The following TENM4 variants were observed in gnomAD, a reference collection of about 807,000 sequenced individuals.
The protein encoded by TENM4 is teneurin transmembrane protein 4.
A neutral mutation model predicts 243.3 loss-of-function variants in TENM4; 82 were observed. The ratio of observed to expected loss-of-function variants is 0.34; its 90% CI spans 0.28 to 0.40. The LOEUF is 0.40. Ranked by LOEUF, TENM4 falls within the 10% of genes least tolerant of loss-of-function variation. The probability of loss-of-function intolerance (pLI) is 1.00; values close to 1 mark genes in which losing one functional copy is unlikely to be tolerated. For missense variants in TENM4, 3,138 were observed against 3,673.3 expected, an observed-to-expected ratio of 0.85 and a Z score of 3.77; for synonymous variants, 1,412 against 1,456.3, an observed-to-expected ratio of 0.97 and a Z score of 0.69.
chr11:79,289,572 C>T (rs140699759), intron 2 of TENM4, among the ~76,000 whole-genome samples: 9 of 152,368 alleles, frequency 5.9e-5, no homozygotes, highest in African/African-American at 1.9e-4. Flanking sequence ...AATCAGCTGA[C>T]ATTTTTGCTG....
intron 14 of TENM4, among the ~76,000 whole-genome samples, chr11:78,811,589 C>CACAT (rs1565389118): frequency 6.6e-6 from 1 of 152,088 alleles, no homozygotes; most frequent in Admixed American, 6.5e-5. Context: ...CACACACACA[C>CACAT]ACACACACAC....
At chr11:78,979,822 A>G (rs940337357) in intron 6 of TENM4, among the ~76,000 whole-genome samples, 1 of 152,198 alleles carries the variant, frequency 6.6e-6, no homozygotes, top group African/African-American at 2.4e-5. Context: ...CTCTAGATCC[A>G]TCATCAGTTA....
Position 79,304,171 on chromosome 11 carries a change from GA to G in TENM4, c.-320-6629del, listed in dbSNP as rs1417171674. 2.6e-5 allele frequency among the ~76,000 whole-genome samples: 4 copies of G among 152,294 alleles called. No individual in the cohort carries two copies. The South Asian group carries it at 6.2e-4, about 24-fold the overall frequency. ...GCTAAGTGGGTCACAACCTGCAAGG[GA>G]AAGGTCCCAGTAACTTGGCAAAGAA... On this transcript the variant is annotated intron_variant, in intron 1 of 33. Coordinates refer to ENST00000278550, the MANE Select transcript of TENM4 (RefSeq NM_001098816.3).
intron 6 of TENM4, among the ~76,000 whole-genome samples, chr11:79,024,225 C>T (rs575490235): frequency 2.0e-5 from 3 of 152,330 alleles, no homozygotes; most frequent in African/African-American, 7.2e-5. Flanking sequence ...CTGCCTGTAA[C>T]ACCTCTGTTG....
At chr11:79,119,357 A>G (rs538922900) in intron 4 of TENM4, among the ~76,000 whole-genome samples, 1 of 150,800 alleles carries the variant, frequency 6.6e-6, no homozygotes, top group South Asian at 2.1e-4. Flanking sequence ...TATTATTGTG[A>G]TAATCATTAT....
intron 18 of TENM4, among the ~76,000 whole-genome samples, chr11:78,762,792 G>A (rs1310430030): frequency 1.3e-5 from 2 of 149,772 alleles, no homozygotes; most frequent in East Asian, 2.0e-4. Context: ...GCCTGAAACA[G>A]TGCATATGGC....
At chr11:79,074,683 G>C (rs1384439930) in intron 4 of TENM4, among the ~76,000 whole-genome samples, 2 of 152,208 alleles carry the variant, frequency 1.3e-5, no homozygotes, top group African/African-American at 4.8e-5. Flanking sequence ...TCTACAAGTG[G>C]TGTTGGGTGG....
chr11:79,338,547 G>A (rs546480754), intron 1 of TENM4, among the ~76,000 whole-genome samples: 1 of 152,350 alleles, frequency 6.6e-6, no homozygotes, highest in Admixed American at 6.5e-5. Flanking sequence ...TGGGCAGCCA[G>A]AGCAGGTGGA....
At chr11:79,187,133 C>T (rs552728917) in intron 3 of TENM4, among the ~76,000 whole-genome samples, 2 of 152,266 alleles carry the variant, frequency 1.3e-5, no homozygotes, top group South Asian at 4.1e-4. Flanking sequence ...TATGATAATG[C>T]TTTTGGGTTA....
rs181235395 is a variant in TENM4, at chr11:79,387,808, C to G, written c.-321+52701G>C. Among the ~76,000 whole-genome samples the G allele has an allele frequency of 1.1e-3, 161 of 152,236 alleles. 1 individual carries two copies. Among genetic ancestry groups the G allele is most frequent in the African/African-American group, 3.7e-3 (155 of 41,536 alleles). On this transcript the variant is annotated intron_variant, in intron 1 of 33. Transcript: ENST00000278550. ...TCACTTAAGCCCAGGAGTTCGAGAC[C>G]AGCCCGGGCAACATGGTGAAACTCC...
At chr11:79,149,527 A>G (rs1262937902) in intron 3 of TENM4, among the ~76,000 whole-genome samples, 1 of 146,248 alleles carries the variant, frequency 6.8e-6, no homozygotes, top group Admixed American at 6.8e-5. Context: ...AAGTATTTTT[A>G]TAAATATATC....
Position 78,658,356 on chromosome 11 carries a change from C to G in TENM4, c.8012G>C (p.Gly2671Ala). Residue 2671 changes from glycine to alanine, a missense_variant, in exon 34 of 34, where the codon GGG becomes GCG. Around this residue, in one of 2 missense-constraint regions of TENM4, gnomAD observed 2,467 missense variants for 3,059.1 expected, o/e 0.81. Transcript: ENST00000278550. ...GTAGCGTGTGTTCAAGCACAGTGCC[C>G]CGTACTGGAGCTGGATGTCTGTGTA... ...RRYTDIQLQY[G>A]ALCLNTRYGT... is the part of the protein sequence containing the mutation. The G allele has an allele frequency of 6.2e-7, 1 of 1,613,888 alleles. No homozygotes were observed. The highest frequency in any genetic ancestry group is 8.5e-7 in the Non-Finnish European group (1 of 1,179,806).
intron 7 of TENM4, among the ~76,000 whole-genome samples, chr11:78,893,775 T>TCACAAACACACACACACACACACACACA (rs1223569491): frequency 4.2e-5 from 1 of 23,744 alleles, no homozygotes; most frequent in African/African-American, 2.0e-4. Flanking sequence ...TTTCAGGACT[T>TCACAAACACACACACACACACACACACA]CACATACACA....
At chr11:79,397,421 G>A (rs1320184508) in intron 1 of TENM4, among the ~76,000 whole-genome samples, 1 of 152,146 alleles carries the variant, frequency 6.6e-6, no homozygotes, top group East Asian at 1.9e-4. Flanking sequence ...GTGACTCAAA[G>A]CCTGCCCCCT....
chr11:78,799,322 T>C (rs1388203515), intron 15 of TENM4, among the ~76,000 whole-genome samples: 1 of 152,186 alleles, frequency 6.6e-6, no homozygotes, highest in East Asian at 1.9e-4. Flanking sequence ...GGTAGAGAGA[T>C]TCAGAAACTG....
intron 1 of TENM4, among the ~76,000 whole-genome samples, chr11:79,368,265 T>C (rs191226752): frequency 7.9e-4 from 120 of 152,286 alleles, no homozygotes; most frequent in African/African-American, 2.6e-3. Context: ...ATATGTTTAA[T>C]GAAATAAGCC....
intron 4 of TENM4, among the ~76,000 whole-genome samples, chr11:79,110,089 C>A (rs996047473): frequency 6.6e-6 from 1 of 152,210 alleles, no homozygotes; most frequent in African/African-American, 2.4e-5. Flanking sequence ...TCTATAAAGT[C>A]TTCCCTCACC....
chr11:79,300,848 C>G (rs966346283), intron 1 of TENM4, among the ~76,000 whole-genome samples: 1 of 152,166 alleles, frequency 6.6e-6, no homozygotes, highest in African/African-American at 2.4e-5. Flanking sequence ...TAGCTTGCTT[C>G]CAGCATGTCT....
chr11:78,840,695 C>A (rs529921386), intron 12 of TENM4, among the ~76,000 whole-genome samples: 1 of 152,154 alleles, frequency 6.6e-6, no homozygotes, highest in African/African-American at 2.4e-5. Context: ...TGACAAAGCT[C>A]GCACCCTGCA....
Sources: gnomAD v4.1 joint callset for allele counts (sites outside exome capture counted in the v4.1 genomes callset) on GRCh38, gnomAD v4.1.1 for gene constraint, gnomAD v4.1.1 regional missense constraint, MANE v1.5 for transcripts, NCBI Gene and HGNC (gene_info 2026-07-23, HGNC 2026-07-21) for gene names.